The following ZDHHC17 variants were observed in gnomAD, a reference collection of about 807,000 sequenced individuals.
The protein encoded by ZDHHC17 is zDHHC palmitoyltransferase 17.
In ZDHHC17, 40 loss-of-function variants were observed where a neutral mutation model predicts 90.3. The ratio of observed to expected loss-of-function variants is 0.44; its 90% CI spans 0.34 to 0.58. The LOEUF (loss-of-function observed/expected upper bound fraction) is 0.58. Ranked by LOEUF, ZDHHC17 falls within the 20% of genes least tolerant of loss-of-function variation. The pLI is 0.01. For missense variants in ZDHHC17, 614 were observed against 780.8 expected (o/e 0.79, Z 2.55); for synonymous variants, 235 against 252.4 (o/e 0.93, Z 0.65).
At chr12:76,800,376 C>T (rs1169709123) in intron 2 of ZDHHC17, among the ~76,000 whole-genome samples, 1 of 152,190 alleles carries the variant, frequency 6.6e-6, no homozygotes, top group East Asian at 1.9e-4. Context: ...CCACAGTTTC[C>T]TTAAGTTCTG....
chr12:76,800,652 G>T (rs988775339), intron 2 of ZDHHC17, among the ~76,000 whole-genome samples: 1 of 152,044 alleles, frequency 6.6e-6, no homozygotes, highest in East Asian at 1.9e-4. Context: ...TCTGATATTA[G>T]TGTAGCCACT....
At chr12:76,801,140 C>G (rs1952883053) in intron 2 of ZDHHC17, among the ~76,000 whole-genome samples, 1 of 151,170 alleles carries the variant, frequency 6.6e-6, no homozygotes, top group Admixed American at 6.6e-5. Context: ...CCCTCCTCGG[C>G]CTCCCAAAGT....
chr12:76,846,899 G>A (rs1953502028), intron 14 of ZDHHC17, among the ~76,000 whole-genome samples: 1 of 152,176 alleles, frequency 6.6e-6, no homozygotes, highest in Non-Finnish European at 1.5e-5. Flanking sequence ...TTTAATACTT[G>A]TGTCCTCTGA....
In ZDHHC17 at chr12:76,777,919, G is replaced by A. The variant is rs75372975; in HGVS notation, c.93+13590G>A. On this transcript the variant is annotated intron_variant, in intron 1 of 16. Transcript: ENST00000426126. The stretch of plus-strand genomic sequence containing the variant: ...CCCAGAGAGGTTAAGGTTAAGGAAG[G>A]ATGCGGGGAGCTGAGGGAGGGGAGA... Among the ~76,000 whole-genome samples, 75 of 152,272 alleles carry A rather than the reference G, an allele frequency of 4.9e-4. No homozygotes were observed. In the East Asian group the frequency reaches 0.014, roughly 28 times the overall value.
At position 76,851,373 on chromosome 12, in the gene ZDHHC17, G is replaced by C. The variant is rs925521144; in HGVS notation, c.*388G>C. On this transcript the variant is annotated 3_prime_UTR_variant, in exon 17 of 17. Coordinates refer to ENST00000426126, the MANE Select transcript of ZDHHC17 (RefSeq NM_015336.4). ...CTAAATTTATGTTATTTGGCTAAAT[G>C]TTATGATGCAGTCTAGTACGAGTAT... 11 of 226,204 alleles carry C rather than the reference G, an allele frequency of 4.9e-5. No individual in the cohort carries two copies. Among genetic ancestry groups the C allele is most frequent in the Non-Finnish European group, 9.5e-5 (11 of 115,310 alleles). 14.0% of individuals were successfully genotyped at this position (226,204 alleles called of 1,614,324 possible). A position where few individuals can be genotyped will look rare whatever the true frequency, so the allele number is the denominator to read the frequency against.
intron 16 of ZDHHC17, chr12:76,849,810 A>G (rs910077981): frequency 6.0e-6 from 1 of 166,170 alleles, no homozygotes; most frequent in African/African-American, 2.4e-5. Context: ...GCTGTCAATT[A>G]TGGCATACTT....
chr12:76,784,172 G>A (rs773889960), intron 1 of ZDHHC17, among the ~76,000 whole-genome samples: 2 of 152,168 alleles, frequency 1.3e-5, no homozygotes, highest in Admixed American at 6.5e-5. Context: ...CATGGAAAAT[G>A]GGTATTATGA....
At chr12:76,779,278 G>GT (rs2137721439) in intron 1 of ZDHHC17, among the ~76,000 whole-genome samples, 1 of 152,182 alleles carries the variant, frequency 6.6e-6, no homozygotes, top group South Asian at 2.1e-4. Flanking sequence ...TTCCACCTTT[G>GT]TATTAGTCTG....
chr12:76,822,317 A>C, intron 7 of ZDHHC17, 89 bp from the exon 8 acceptor site: 2 of 1,508,848 alleles, frequency 1.3e-6, no homozygotes, highest in Non-Finnish European at 1.8e-6. Flanking sequence ...ATAGGGCAGT[A>C]AATTAATTTT....
At chr12:76,839,714 A>G (rs1253743641) in intron 10 of ZDHHC17, among the ~76,000 whole-genome samples, 1 of 152,240 alleles carries the variant, frequency 6.6e-6, no homozygotes, top group Non-Finnish European at 1.5e-5. Context: ...AAAAATGTAA[A>G]TTAAAACGAT....
intron 2 of ZDHHC17, among the ~76,000 whole-genome samples, chr12:76,802,337 A>G (rs1232256205): frequency 6.6e-6 from 1 of 152,174 alleles, no homozygotes; most frequent in African/African-American, 2.4e-5. Context: ...GGATCCTTGT[A>G]TGTGACCAGT....
At chr12:76,770,139 A>G (rs1004002192) in intron 1 of ZDHHC17, among the ~76,000 whole-genome samples, 4 of 152,194 alleles carry the variant, frequency 2.6e-5, no homozygotes, top group African/African-American at 4.8e-5. Flanking sequence ...TGTTGTGAGG[A>G]TTAAGTGAGA....
chr12:76,823,667 C>T (rs1953193109), intron 8 of ZDHHC17, among the ~76,000 whole-genome samples: 1 of 152,104 alleles, frequency 6.6e-6, no homozygotes, highest in South Asian at 2.1e-4. Context: ...CTATCTGTTA[C>T]CAAGGCAAAA....
intron 1 of ZDHHC17, among the ~76,000 whole-genome samples, chr12:76,769,752 C>T (rs1466313489): frequency 6.6e-6 from 1 of 152,068 alleles, no homozygotes; most frequent in East Asian, 1.9e-4. Flanking sequence ...TACTATTAAG[C>T]TTAGTAATCA....
chr12:76,824,722 A>G (rs1435386117), intron 8 of ZDHHC17, among the ~76,000 whole-genome samples: 1 of 152,014 alleles, frequency 6.6e-6, no homozygotes, highest in Non-Finnish European at 1.5e-5. Flanking sequence ...GTGCGCCTAT[A>G]GTCCCAGCTA....
rs117252981 is a variant in ZDHHC17 at position 76,843,772 on chromosome 12, T to C, written c.1329+791T>C. ...AAAACTAAATGCTCTTTTATACTTA[T>C]ACACTGCAAGTGAGCTCATGTCTTA... On this transcript the variant is annotated intron_variant, in intron 12 of 16. Coordinates refer to ENST00000426126, the MANE Select transcript of ZDHHC17 (RefSeq NM_015336.4). 79 of 152,260 alleles carry C rather than the reference T, an allele frequency of 5.2e-4. No homozygotes were observed. In the East Asian group the frequency reaches 0.014, roughly 27 times the overall value. The allele number at this position is 152,260 out of a possible 1,614,324, so 9.4% of individuals were successfully genotyped here. A position where few individuals can be genotyped will look rare whatever the true frequency, so the allele number is the denominator to read the frequency against.
At chr12:76,774,684 T>TA (rs1952538293) in intron 1 of ZDHHC17, among the ~76,000 whole-genome samples, 1 of 152,224 alleles carries the variant, frequency 6.6e-6, no homozygotes, top group Non-Finnish European at 1.5e-5. Context: ...GCAAATTACT[T>TA]AATCTTCTGG....
intron 2 of ZDHHC17, 119 bp downstream of exon 2, chr12:76,797,656 T>G: frequency 1.4e-6 from 1 of 738,944 alleles, no homozygotes; most frequent in Non-Finnish European, 2.0e-6. Flanking sequence ...AAAAATTAGT[T>G]TATGGGCCGG....
In ZDHHC17 at chr12:76,853,503, C is replaced by T. The variant is rs1953588339; in HGVS notation, c.*2518C>T. 1 of 152,356 alleles carries T rather than the reference C, an allele frequency of 6.6e-6. No individual in the cohort carries two copies. The highest frequency in any genetic ancestry group is 1.5e-5 in the Non-Finnish European group (1 of 67,934). 9.4% of individuals were successfully genotyped at this position (152,356 alleles called of 1,614,324 possible). On this transcript the variant is annotated 3_prime_UTR_variant, in exon 17 of 17. Coordinates refer to ENST00000426126, the MANE Select transcript of ZDHHC17 (RefSeq NM_015336.4). Reference sequence around the variant, plus strand: ...GATATTAATGGGCGTAAAACAGCATCATTGTACTTAAGCTATGGATGTTTT... The same window carrying T: ...GATATTAATGGGCGTAAAACAGCATTATTGTACTTAAGCTATGGATGTTTT...
Sources: gnomAD v4.1 joint callset for allele counts (sites outside exome capture counted in the v4.1 genomes callset) on GRCh38, gnomAD v4.1.1 for gene constraint, MANE v1.5 for transcripts, NCBI Gene and HGNC (gene_info 2026-07-23, HGNC 2026-07-21) for gene names.